TACR3: variants seen among roughly 807,000 people sequenced by gnomAD.
TACR3 encodes the protein neuromedin-K receptor.
TACR3 carries 34 observed loss-of-function variants against 35.0 expected under a neutral mutation model. The ratio of observed to expected loss-of-function variants is 0.97; its 90% CI spans 0.74 to 1.30. The LOEUF is 1.30. TACR3 is among the 50% of genes most tolerant of loss of function. TACR3 has a pLI of 0.00. For synonymous variants in TACR3, 233 were observed against 221.1 expected (o/e 1.05, Z -0.48); for missense variants, 558 against 591.7 (o/e 0.94, Z 0.59).
At chr4:103,639,278 C>T (rs1725287572) in intron 3 of TACR3, among the ~76,000 whole-genome samples, 1 of 152,170 alleles carries the variant, frequency 6.6e-6, no homozygotes, top group African/African-American at 2.4e-5. Flanking sequence ...ATGATGTGTT[C>T]ATGTCCTTTG....
At chr4:103,679,526 T>G (rs1236745087) in intron 1 of TACR3, among the ~76,000 whole-genome samples, 1 of 151,972 alleles carries the variant, frequency 6.6e-6, no homozygotes, top group Non-Finnish European at 1.5e-5. Flanking sequence ...CAGATGTCCT[T>G]TCATTCTCAG....
chr4:103,681,887 A>C (rs563683305), intron 1 of TACR3, among the ~76,000 whole-genome samples: 1 of 152,280 alleles, frequency 6.6e-6, no homozygotes, highest in African/African-American at 2.4e-5. Context: ...AAGTGCAAAA[A>C]ATTAAAACAA....
intron 1 of TACR3, among the ~76,000 whole-genome samples, chr4:103,689,692 G>C (rs1417871440): frequency 2.0e-5 from 3 of 152,052 alleles, no homozygotes; most frequent in Non-Finnish European, 4.4e-5. Context: ...AAGCCTAAGA[G>C]ATTTGTGAGA....
At chr4:103,599,486 A>G (rs1322078823) in intron 3 of TACR3, among the ~76,000 whole-genome samples, 1 of 152,142 alleles carries the variant, frequency 6.6e-6, no homozygotes, top group Admixed American at 6.6e-5. Context: ...AACTTCCAAC[A>G]CTATGTTGAA....
chr4:103,595,197 C>T (rs1397919340), intron 3 of TACR3, among the ~76,000 whole-genome samples: 1 of 152,134 alleles, frequency 6.6e-6, no homozygotes, highest in Non-Finnish European at 1.5e-5. Context: ...CTAGTGCAGG[C>T]AGGCTATGAA....
At chr4:103,626,674 A>T (rs1724898356) in intron 3 of TACR3, among the ~76,000 whole-genome samples, 1 of 152,136 alleles carries the variant, frequency 6.6e-6, no homozygotes, top group Non-Finnish European at 1.5e-5. Context: ...CAAAACATTG[A>T]AGTAGTTTTC....
rs549939658 is a variant in TACR3, at chr4:103,691,793, C to T, written c.548+27335G>A. On this transcript the variant is annotated intron_variant, in intron 1 of 4. Transcript: ENST00000304883. Reference sequence around the variant, plus strand: ...AAACAATAGCATGAGCGATCTGTGCCTTAAGGACATGCTCCTGCTACAGTT... The same window carrying T: ...AAACAATAGCATGAGCGATCTGTGCTTTAAGGACATGCTCCTGCTACAGTT... Among the ~76,000 whole-genome samples, 3 of 152,322 alleles carry T rather than the reference C, an allele frequency of 2.0e-5. No individual in the cohort carries two copies. In the South Asian group the frequency reaches 6.2e-4, roughly 32 times the overall value.
At chr4:103,656,160 A>G (rs1314539838) in intron 3 of TACR3, 34 bp downstream of exon 3, 3 of 1,611,582 alleles carry the variant, frequency 1.9e-6, no homozygotes, top group Non-Finnish European at 8.5e-7. Flanking sequence ...ACCATAACCT[A>G]TACAAATGCT....
rs570217049 is a variant in TACR3, at chr4:103,645,019, T to A, written c.888+11175A>T. Among the ~76,000 whole-genome samples, 6 of 151,994 alleles carry A rather than the reference T, an allele frequency of 3.9e-5. No homozygotes were observed. In the South Asian group the frequency reaches 1.0e-3, roughly 26 times the overall value. On this transcript the variant is annotated intron_variant, in intron 3 of 4. Coordinates refer to ENST00000304883, the MANE Select transcript of TACR3 (RefSeq NM_001059.3). ...CATATGGGTAATTTCAAGGTTTTTT[T>A]AAATTACAACAAAGTACATAAAGAT... is the stretch of plus-strand genomic sequence containing the variant.
chr4:103,701,470 C>T (rs996641377), intron 1 of TACR3, among the ~76,000 whole-genome samples: 1 of 152,082 alleles, frequency 6.6e-6, no homozygotes, highest in African/African-American at 2.4e-5. Flanking sequence ...AATGGCCATA[C>T]TGCCCAAGGT....
intron 3 of TACR3, among the ~76,000 whole-genome samples, chr4:103,620,694 T>G (rs565177189): frequency 9.2e-5 from 14 of 152,054 alleles, no homozygotes; most frequent in Non-Finnish European, 1.8e-4. Context: ...GAGCTAAACA[T>G]TGAGCACACA....
In TACR3 at chr4:103,626,420, AT is replaced by A. The variant is rs112962218; in HGVS notation, c.888+29773del. ...TATGTGGGCTTTTATTATTATTGTT[AT>A]TTTTTTTTGACGAATTTTTGTGTTT... is the stretch of plus-strand genomic sequence containing the variant. On this transcript the variant is annotated intron_variant, in intron 3 of 4. Coordinates refer to ENST00000304883, the MANE Select transcript of TACR3 (RefSeq NM_001059.3). Among the ~76,000 whole-genome samples the A allele has an allele frequency of 6.0e-4, 90 of 150,314 alleles. 2 individuals carry two copies. The highest frequency in any genetic ancestry group is 3.2e-3 in the Admixed American group (49 of 15,132).
At chr4:103,612,669 A>G (rs990247000) in intron 3 of TACR3, among the ~76,000 whole-genome samples, 1 of 152,010 alleles carries the variant, frequency 6.6e-6, no homozygotes, top group East Asian at 1.9e-4. Context: ...CCACCACACC[A>G]GCTAATTTTT....
intron 1 of TACR3, among the ~76,000 whole-genome samples, chr4:103,708,786 A>C (rs1359960633): frequency 6.6e-6 from 1 of 152,200 alleles, no homozygotes; most frequent in African/African-American, 2.4e-5. Context: ...GCTAACTAGA[A>C]TAACCAGTGT....
chr4:103,665,298 T>C (rs1023402946), intron 1 of TACR3, among the ~76,000 whole-genome samples: 1 of 149,470 alleles, frequency 6.7e-6, no homozygotes, highest in Admixed American at 6.7e-5. Flanking sequence ...CATATATGTA[T>C]ATATGAATAT....
In TACR3 at chr4:103,589,928, C is replaced by G. The variant is rs1578215198; in HGVS notation, c.1152G>C (p.Glu384Asp). The G allele has an allele frequency of 6.2e-7, 1 of 1,613,976 alleles. No homozygotes were observed. Among genetic ancestry groups the G allele is most frequent in the Non-Finnish European group, 8.5e-7 (1 of 1,179,886 alleles). Residue 384 changes from glutamate to aspartate, a missense_variant, in exon 5 of 5, where the codon GAG (glutamate) becomes GAC (aspartate). Coordinates refer to ENST00000304883, the MANE Select transcript of TACR3 (RefSeq NM_001059.3). ...GAAACCTGGTGGTCTTGAGCTCTAG[C>G]TCATCATAGCTGGAAACTTTGATGA... Reference protein sequence around the residue: ...CPFIKVSSYDELELKTTRFHP... With the variant: ...CPFIKVSSYDDLELKTTRFHP...
chr4:103,611,847 GT>G (rs1724519422), intron 3 of TACR3, among the ~76,000 whole-genome samples: 1 of 152,008 alleles, frequency 6.6e-6, no homozygotes, highest in Non-Finnish European at 1.5e-5. Flanking sequence ...TGTTTCTTTG[GT>G]TTTCCTCATT....
intron 3 of TACR3, among the ~76,000 whole-genome samples, chr4:103,651,453 A>G (rs1349595093): frequency 6.6e-6 from 1 of 151,752 alleles, no homozygotes; most frequent in Non-Finnish European, 1.5e-5. Flanking sequence ...CTTGTGGTAA[A>G]TGCTGCCTGG....
At position 103,719,809 on chromosome 4, in the gene TACR3, A is replaced by G. The variant is rs1482173486; in HGVS notation, c.-134T>C. Reference sequence around the variant, plus strand: ...CAGATAAGACTGGAAGCTGAAAGATACTGCAATCCCTGCTGGTTAGGGGAT... The same window carrying G: ...CAGATAAGACTGGAAGCTGAAAGATGCTGCAATCCCTGCTGGTTAGGGGAT... On this transcript the variant is annotated 5_prime_UTR_variant, in exon 1 of 5. Transcript: ENST00000304883. The G allele has an allele frequency of 2.6e-6, 3 of 1,168,312 alleles. No individual in the cohort carries two copies. The highest frequency in any genetic ancestry group is 3.7e-6 in the Non-Finnish European group (3 of 819,940). The allele number at this position is 1,168,312 out of a possible 1,614,324, so 72.4% of individuals were successfully genotyped here.
Sources: gnomAD v4.1 joint callset for allele counts (sites outside exome capture counted in the v4.1 genomes callset) on GRCh38, gnomAD v4.1.1 for gene constraint, MANE v1.5 for transcripts, NCBI Gene and HGNC (gene_info 2026-07-23, HGNC 2026-07-21) for gene names.